Variants in ZNF800 observed in about 807,000 individuals in gnomAD.
ZNF800 encodes zinc finger protein 800.
A neutral mutation model predicts 59.5 loss-of-function variants in ZNF800; 13 were observed. The ratio of observed to expected loss-of-function variants is 0.22; its 90% CI spans 0.14 to 0.35. The LOEUF (loss-of-function observed/expected upper bound fraction) is 0.35, where lower values mean the gene tolerates loss of function less well. Among genes scored for constraint, ZNF800 ranks in the 10% least tolerant of loss-of-function variants. The pLI is 1.00. For missense variants in ZNF800, 621 were observed against 783.7 expected (o/e 0.79, Z 2.48); for synonymous variants, 266 against 265.7 (o/e 1.00, Z -0.01).
chr7:127,364,026 C>G (rs1328422032), intron 1 of ZNF800: 1 of 152,054 alleles, frequency 6.6e-6, no homozygotes, highest in Non-Finnish European at 1.5e-5. Context: ...ATTTCTATCT[C>G]ATTAGAAGAT....
intron 1 of ZNF800, chr7:127,350,463 C>G (rs988298257): frequency 2.0e-5 from 3 of 152,144 alleles, no homozygotes; most frequent in Admixed American, 6.5e-5. Context: ...TCTTTGATAA[C>G]CCATTACAAC....
At chr7:127,356,619 A>G (rs1800276673) in intron 1 of ZNF800, among the ~76,000 whole-genome samples, 1 of 152,006 alleles carries the variant, frequency 6.6e-6, no homozygotes, top group African/African-American at 2.4e-5. Flanking sequence ...GTAAAAGTTT[A>G]TGGTTAATAT....
At chr7:127,351,379 T>C (rs1372273047) in intron 1 of ZNF800, 5 of 152,266 alleles carry the variant, frequency 3.3e-5, no homozygotes, top group African/African-American at 1.2e-4. Context: ...ACTCTGACAA[T>C]GGTTCCTATC....
At chr7:127,367,549 G>A (rs544890207), downstream of ZNF800, among the ~76,000 whole-genome samples, 1 of 152,204 alleles carries the variant, frequency 6.6e-6, no homozygotes, top group South Asian at 2.1e-4. Flanking sequence ...AGAGTGCTTG[G>A]CATATAACAA....
chr7:127,389,015 C>T (rs946113122), intron 2 of ZNF800, among the ~76,000 whole-genome samples: 1 of 152,120 alleles, frequency 6.6e-6, no homozygotes, highest in African/African-American at 2.4e-5. Context: ...ATCCTCAGAA[C>T]ATCTTTCCTT....
intron 1 of ZNF800, among the ~76,000 whole-genome samples, chr7:127,356,886 G>A (rs1325829526): frequency 6.6e-6 from 1 of 151,908 alleles, no homozygotes; most frequent in African/African-American, 2.4e-5. Context: ...GTTTTTAGGA[G>A]TTATAACTCA....
intron 1 of ZNF800, among the ~76,000 whole-genome samples, chr7:127,358,529 T>C (rs1800322493): frequency 1.3e-5 from 2 of 152,100 alleles, no homozygotes; most frequent in Non-Finnish European, 1.5e-5. Context: ...TTTTGAAATA[T>C]AGTTCAAACT....
At position 127,374,747 on chromosome 7, in the gene ZNF800, C is replaced by G. The variant is rs1477997467; in HGVS notation, c.589G>C (p.Glu197Gln). 6.2e-7 allele frequency: 1 copy of G among 1,613,884 alleles called. No homozygotes were observed. Among genetic ancestry groups the G allele is most frequent in the African/African-American group, 1.3e-5 (1 of 74,918 alleles). ...GGTGCAACTTCATCTGTAACAATCT[C>G]AACAGGAGGGGGCTCTACAGTTTCC... ...EVETVEPPPV[E>Q]IVTDEVAPTS... Residue 197 changes from glutamate (E) to glutamine (Q), a missense_variant, in exon 5 of 6, where the codon GAG becomes CAG. Physicochemically the swap from Glu to Gln is conservative, Grantham distance 29. Transcript: ENST00000265827.
At chr7:127,381,190 A>G (rs1421736695) in intron 3 of ZNF800, among the ~76,000 whole-genome samples, 1 of 152,204 alleles carries the variant, frequency 6.6e-6, no homozygotes. Flanking sequence ...TTAAGTGATG[A>G]CAAGAATGCT....
At chr7:127,373,226 A>G (rs1274539904) in intron 5 of ZNF800, 116 bp downstream of exon 5, 12 of 1,487,238 alleles carry the variant, frequency 8.1e-6, no homozygotes, top group Admixed American at 2.4e-5. Context: ...TCCCATTGCC[A>G]TGAGATATAT....
chr7:127,344,076 T>A (rs929531899), downstream of ZNF800, among the ~76,000 whole-genome samples: 27 of 152,148 alleles, frequency 1.8e-4, no homozygotes, highest in African/African-American at 6.0e-4. Context: ...GTTATTACCA[T>A]CATTTATTTA....
chr7:127,355,271 A>C (rs915113453), intron 1 of ZNF800, among the ~76,000 whole-genome samples: 1 of 152,082 alleles, frequency 6.6e-6, no homozygotes, highest in African/African-American at 2.4e-5. Context: ...GACATGAAGA[A>C]GACACTACAA....
At chr7:127,347,237 G>A (rs1190133850) in exon 2 of ZNF800, 2 of 152,540 alleles carry the variant, frequency 1.3e-5, no homozygotes, top group East Asian at 1.9e-4. Flanking sequence ...GTTACAGGAA[G>A]GAGGGGACTG....
chr7:127,380,928 A>C (rs952018918), intron 3 of ZNF800, among the ~76,000 whole-genome samples: 3 of 152,220 alleles, frequency 2.0e-5, no homozygotes, highest in Non-Finnish European at 4.4e-5. Flanking sequence ...CACCCCTAAT[A>C]GGTGCTCAAT....
chr7:127,379,836 A>ACCCCCCACCCCCC (rs1800905580), intron 3 of ZNF800, among the ~76,000 whole-genome samples: 3 of 27,630 alleles, frequency 1.1e-4, no homozygotes, highest in Non-Finnish European at 1.3e-4. Flanking sequence ...TACCCTTGCC[A>ACCCCCCACCCCCC]CCCCCCCACC....
At chr7:127,358,485 G>A (rs17866822) in intron 1 of ZNF800, among the ~76,000 whole-genome samples, 4,624 of 151,914 alleles carry the variant, frequency 0.03, 212 homozygotes, top group African/African-American at 0.099. Flanking sequence ...GCTATTATAT[G>A]TCCCTGTTTA....
At chr7:127,361,588 T>C (rs1172156579) in intron 1 of ZNF800, 1 of 151,936 alleles carries the variant, frequency 6.6e-6, no homozygotes, top group Non-Finnish European at 1.5e-5. Flanking sequence ...AAAATCAATC[T>C]GGCCTCAGAC....
At position 127,392,369 on chromosome 7, in the gene ZNF800, C is replaced by G. The variant is rs1182200416; in HGVS notation, c.-368G>C. 6 of 381,946 alleles carry G rather than the reference C, an allele frequency of 1.6e-5. 1 individual carries two copies. The South Asian group carries it at 8.6e-4, about 55-fold the overall frequency. 23.7% of individuals were successfully genotyped at this position (381,946 alleles called of 1,614,324 possible). ...GAGGCAGTTGACAGGAGGAACCGCC[C>G]GGCAGCAGCTGCCGCCGCCACCACC... On this transcript the variant is annotated 5_prime_UTR_variant, in exon 1 of 6. Coordinates refer to ENST00000265827, the MANE Select transcript of ZNF800 (RefSeq NM_176814.5).
intron 3 of ZNF800, among the ~76,000 whole-genome samples, chr7:127,382,718 T>G (rs1016429467): frequency 4.6e-5 from 7 of 151,806 alleles, no homozygotes; most frequent in Admixed American, 4.6e-4. Flanking sequence ...CAATAAATAG[T>G]TGAATCTACA....
Sources: allele counts gnomAD v4.1 joint callset (sites outside exome capture counted in the v4.1 genomes callset), GRCh38; gene constraint gnomAD v4.1.1; transcripts MANE v1.5; gene names NCBI Gene and HGNC (gene_info 2026-07-23, HGNC 2026-07-21).